DAB1: variants seen among roughly 807,000 people sequenced by gnomAD.
The protein encoded by DAB1 is disabled homolog 1.
DAB1 carries 15 observed loss-of-function variants against 64.6 expected under a neutral mutation model. That is an observed-to-expected ratio of 0.23 (90% CI 0.16 to 0.36). The LOEUF (loss-of-function observed/expected upper bound fraction) is 0.36, where lower values mean the gene tolerates loss of function less well. Ranked by LOEUF, DAB1 falls within the 10% of genes least tolerant of loss-of-function variation. The probability of loss-of-function intolerance (pLI) is 1.00; values close to 1 mark genes in which losing one functional copy is unlikely to be tolerated. For missense variants in DAB1, 596 were observed against 706.7 expected, an observed-to-expected ratio of 0.84 and a Z score of 1.78; for synonymous variants, 235 against 251.9, an observed-to-expected ratio of 0.93 and a Z score of 0.64.
chr1:57,269,254 G>A (rs1037158845), intron 2 of DAB1, among the ~76,000 whole-genome samples: 1 of 152,096 alleles, frequency 6.6e-6, no homozygotes, highest in African/African-American at 2.4e-5. Context: ...CCAGCTCCCT[G>A]GGATATACAG....
chr1:57,490,457 G>A lies in DAB1; in HGVS notation n.625+159135C>T, dbSNP rs79979362. On this transcript the variant is annotated intron_variant and non_coding_transcript_variant, in intron 7 of 20. Transcript: ENST00000485760. ...GGTGATCATAATTTCATTTTTTAAT[G>A]TTTTCATTTTAATGTATAGGATTGC... is the stretch of plus-strand genomic sequence containing the variant. Among the ~76,000 whole-genome samples, 1,204 of 151,780 alleles carry A rather than the reference G, an allele frequency of 7.9e-3. 48 individuals are homozygous for A. In the East Asian group the frequency reaches 0.14, roughly 18 times the overall value.
chr1:58,297,852 T>C (rs1662029498), intron 4 of DAB1, among the ~76,000 whole-genome samples: 1 of 152,172 alleles, frequency 6.6e-6, no homozygotes, highest in African/African-American at 2.4e-5. Flanking sequence ...TGCCTGACTG[T>C]TGGGAAATCT....
intron 4 of DAB1, among the ~76,000 whole-genome samples, chr1:58,297,494 G>A (rs1156618829): frequency 1.3e-5 from 2 of 152,150 alleles, no homozygotes; most frequent in African/African-American, 4.8e-5. Flanking sequence ...TACAGAGTGA[G>A]TGCTCAATGG....
At chr1:57,901,041 G>T (rs1372227836) in intron 5 of DAB1, among the ~76,000 whole-genome samples, 1 of 151,984 alleles carries the variant, frequency 6.6e-6, no homozygotes, top group African/African-American at 2.4e-5. Context: ...ATGTCATTTA[G>T]TTCTCATGCT....
At chr1:57,083,039 T>C (rs1282586522) in intron 4 of DAB1, among the ~76,000 whole-genome samples, 2 of 152,190 alleles carry the variant, frequency 1.3e-5, no homozygotes, top group African/African-American at 4.8e-5. Flanking sequence ...TCAAACTTTA[T>C]TTTCACTACA....
chr1:57,688,014 T>C (rs1421670711), intron 6 of DAB1, among the ~76,000 whole-genome samples: 1 of 152,114 alleles, frequency 6.6e-6, no homozygotes, highest in East Asian at 1.9e-4. Context: ...CAAATAATTT[T>C]TGGCTAAGTG....
intron 5 of DAB1, among the ~76,000 whole-genome samples, chr1:57,923,305 T>C (rs1237230528): frequency 6.6e-6 from 1 of 152,172 alleles, no homozygotes; most frequent in African/African-American, 2.4e-5. Context: ...GTGTGTTATG[T>C]ATATTATCTA....
At chr1:58,169,243 C>G (rs1656027927) in intron 4 of DAB1, among the ~76,000 whole-genome samples, 2 of 152,164 alleles carry the variant, frequency 1.3e-5, no homozygotes. Context: ...CTATTCTGAT[C>G]AGCAGGGTCC....
At chr1:57,676,165 G>A (rs1414683256) in intron 6 of DAB1, among the ~76,000 whole-genome samples, 1 of 152,224 alleles carries the variant, frequency 6.6e-6, no homozygotes, top group Non-Finnish European at 1.5e-5. Flanking sequence ...GCATGCAGAA[G>A]TTGTGTGGCC....
chr1:58,363,381 T>C (rs1248918167), intron 3 of DAB1, among the ~76,000 whole-genome samples: 1 of 152,202 alleles, frequency 6.6e-6, no homozygotes, highest in Admixed American at 6.5e-5. Context: ...TATCCTCTGA[T>C]AGGCTAAGAA....
chr1:57,676,540 C>G (rs1646568048), intron 6 of DAB1, among the ~76,000 whole-genome samples: 1 of 152,150 alleles, frequency 6.6e-6, no homozygotes, highest in Non-Finnish European at 1.5e-5. Flanking sequence ...TTTGGTAAGG[C>G]CCTTGCCCCT....
intron 3 of DAB1, among the ~76,000 whole-genome samples, chr1:58,379,898 G>C (rs1644371802): frequency 6.6e-6 from 1 of 152,142 alleles, no homozygotes; most frequent in Non-Finnish European, 1.5e-5. Flanking sequence ...CATTAACTAA[G>C]CTCAAGGCCA....
rs183037204 is a variant in DAB1, at chr1:57,036,603, C to A, written c.724-10560G>T. 3.3e-5 allele frequency among the ~76,000 whole-genome samples: 5 copies of A among 152,304 alleles called. No homozygotes were observed. In the East Asian group the frequency reaches 9.6e-4, roughly 29 times the overall value. ...CACAATTACCACTTGAGTTCTAATT[C>A]ATTTATATTAAAGTCTTTTTTGTTT... On this transcript the variant is annotated intron_variant, in intron 9 of 14. Coordinates refer to ENST00000371236, the MANE Select transcript of DAB1 (RefSeq NM_001365792.1).
chr1:57,980,369 A>G (rs775106040), intron 5 of DAB1, among the ~76,000 whole-genome samples: 12 of 152,114 alleles, frequency 7.9e-5, no homozygotes, highest in Admixed American at 5.9e-4. Flanking sequence ...AATATCCCCC[A>G]CTTTTCCCAA....
chr1:58,518,594 A>C (rs1646210169), intron 2 of DAB1, among the ~76,000 whole-genome samples: 2 of 151,914 alleles, frequency 1.3e-5, no homozygotes. Flanking sequence ...ACTTGGTGAA[A>C]AAATTAAGAG....
chr1:58,501,616 A>C (rs1438623504), intron 3 of DAB1, among the ~76,000 whole-genome samples: 1 of 151,848 alleles, frequency 6.6e-6, no homozygotes, highest in African/African-American at 2.4e-5. Context: ...TGGTTCCTTC[A>C]CTTATTTCAA....
chr1:58,488,608 T>C lies in DAB1; in HGVS notation n.257+17452A>G, dbSNP rs1645617822. Among the ~76,000 whole-genome samples the C allele has an allele frequency of 2.0e-5, 3 of 152,062 alleles. No homozygotes were observed. In the South Asian group the frequency reaches 6.2e-4, roughly 31 times the overall value. On this transcript the variant is annotated intron_variant and non_coding_transcript_variant, in intron 3 of 20. Transcript: ENST00000485760. The stretch of plus-strand genomic sequence containing the variant: ...CTGGGATTACAGGCATGAGCCACCA[T>C]GTCTCGCTAATTTTTGTATTTTTAG...
chr1:58,202,514 CAG>C (rs1455826173), intron 4 of DAB1, among the ~76,000 whole-genome samples: 1 of 152,202 alleles, frequency 6.6e-6, no homozygotes, highest in East Asian at 1.9e-4. Flanking sequence ...CTTTGACTAA[CAG>C]AGCACAGCAG....
At chr1:58,494,498 A>G (rs1024391976) in intron 3 of DAB1, among the ~76,000 whole-genome samples, 3 of 152,226 alleles carry the variant, frequency 2.0e-5, no homozygotes, top group Admixed American at 2.0e-4. Context: ...AGAATGGGAG[A>G]AAATTTTTGC....
Sources: allele counts gnomAD v4.1 joint callset (sites outside exome capture counted in the v4.1 genomes callset), GRCh38; gene constraint gnomAD v4.1.1; transcripts MANE v1.5; gene names NCBI Gene and HGNC (gene_info 2026-07-23, HGNC 2026-07-21).